LARGE1: variants seen among roughly 807,000 people sequenced by gnomAD.
LARGE1 encodes xylosyl- and glucuronyltransferase LARGE1.
In LARGE1, 43 loss-of-function variants were observed where a neutral mutation model predicts 87.6. The ratio of observed to expected loss-of-function variants is 0.49; its 90% CI spans 0.38 to 0.63. The LOEUF is 0.63. LARGE1 is among the 30% of genes least tolerant of loss of function. The pLI, the probability that LARGE1 is intolerant of heterozygous loss-of-function variation, is 0.00. For missense variants in LARGE1, 802 were observed against 1,000.2 expected, an observed-to-expected ratio of 0.80 and a Z score of 2.67; for synonymous variants, 434 against 394.6, an observed-to-expected ratio of 1.10 and a Z score of -1.18.
At chr22:33,651,389 C>CAAAAAAAAAA (rs59002897) in intron 2 of LARGE1, among the ~76,000 whole-genome samples, 14 of 54,310 alleles carry the variant, frequency 2.6e-4, no homozygotes, top group African/African-American at 7.3e-4. Flanking sequence ...GACTCCGTCT[C>CAAAAAAAAAA]AAAAAAAAAA....
chr22:33,274,758 A>G (rs1391043700), intron 14 of LARGE1, 134 bp from the exon 15 acceptor site: 1 of 793,832 alleles, frequency 1.3e-6, no homozygotes, highest in Non-Finnish European at 2.2e-6. Context: ...GGCAAAGGAC[A>G]GCACAACAGC....
intron 6 of LARGE1, among the ~76,000 whole-genome samples, chr22:33,508,811 T>A (rs2070894462): frequency 6.6e-6 from 1 of 152,276 alleles, no homozygotes; most frequent in African/African-American, 2.4e-5. Flanking sequence ...ACTGCGATGG[T>A]GTTTGCATGC....
At chr22:33,142,272 T>G in the LARGE1 span, among the ~76,000 whole-genome samples, 14,491 of 152,220 alleles carry the variant, frequency 0.095, 759 homozygotes, top group South Asian at 0.2. Context: ...GAAAGAAGCC[T>G]GTGCATGTGA....
In LARGE1 at chr22:33,394,435, T is replaced by C. The variant is rs1601688865; in HGVS notation, c.893-10131A>G. Reference sequence around the variant, plus strand: ...GGCTGGTCTCGAACTCCTGACCTCGTAATCCGCATGCCTCGGCCTCCCGAA... The same window carrying C: ...GGCTGGTCTCGAACTCCTGACCTCGCAATCCGCATGCCTCGGCCTCCCGAA... On this transcript the variant is annotated intron_variant, in intron 7 of 14. Transcript: ENST00000397394. Among the ~76,000 whole-genome samples, 3 of 152,264 alleles carry C rather than the reference T, an allele frequency of 2.0e-5. No homozygotes were observed. The East Asian group carries it at 5.8e-4, about 29-fold the overall frequency.
chr22:33,808,330 A>T (rs2086380067), intron 1 of LARGE1, among the ~76,000 whole-genome samples: 1 of 152,104 alleles, frequency 6.6e-6, no homozygotes, highest in African/African-American at 2.4e-5. Flanking sequence ...AAAGTCTTTG[A>T]TCCACTTTTT....
At chr22:33,077,298 C>G in the LARGE1 span, among the ~76,000 whole-genome samples, 7 of 152,014 alleles carry the variant, frequency 4.6e-5, no homozygotes, top group Admixed American at 2.0e-4. Flanking sequence ...TATTATTATT[C>G]CCATTATAAA....
chr22:33,842,190 C>T (rs9306283), intron 1 of LARGE1, among the ~76,000 whole-genome samples: 3,612 of 152,226 alleles, frequency 0.024, 146 homozygotes, highest in African/African-American at 0.081. Flanking sequence ...TGTCTCTACA[C>T]GGACGTAAAG....
chr22:33,266,251 C>T (rs1395756320), intron 11 of LARGE1, among the ~76,000 whole-genome samples: 10 of 101,762 alleles, frequency 9.8e-5, no homozygotes, highest in East Asian at 5.8e-4. Flanking sequence ...GATGGAGTTT[C>T]GCTCTTGTTG....
intron 5 of LARGE1, among the ~76,000 whole-genome samples, chr22:33,603,145 C>T (rs2079156683): frequency 6.6e-6 from 1 of 152,206 alleles, no homozygotes; most frequent in East Asian, 1.9e-4. Flanking sequence ...CTGAACATCT[C>T]CATCAACCTC....
At position 33,433,618 on chromosome 22, in the gene LARGE1, A is replaced by C. The variant is rs1017075369; in HGVS notation, c.788-1353T>G. ...CTCAAAAAACAAAACAAAAAAAAAAAAAAAAAAAAAAAGAAAGGGAAATTG... is the reference window on the plus strand; with the variant it reads ...CTCAAAAAACAAAACAAAAAAAAAACAAAAAAAAAAAAGAAAGGGAAATTG... On this transcript the variant is annotated intron_variant, in intron 6 of 14. Transcript: ENST00000397394. Among the ~76,000 whole-genome samples the C allele has an allele frequency of 5.9e-5, 9 of 151,434 alleles. 1 individual carries two copies. Among genetic ancestry groups the C allele is most frequent in the African/African-American group, 1.9e-4 (8 of 41,382 alleles).
chr22:33,713,661 A>C (rs2082810529), intron 2 of LARGE1, among the ~76,000 whole-genome samples: 1 of 151,996 alleles, frequency 6.6e-6, no homozygotes, highest in Non-Finnish European at 1.5e-5. Flanking sequence ...CAGCATTTTA[A>C]AATGAGTGCC....
chr22:33,151,848 T>C, the LARGE1 span, among the ~76,000 whole-genome samples: 6 of 152,284 alleles, frequency 3.9e-5, no homozygotes, highest in Admixed American at 2.0e-4. Context: ...GTATTATGGA[T>C]ATTTGCATCT....
chr22:33,601,517 A>G (rs2079112680), intron 5 of LARGE1, among the ~76,000 whole-genome samples: 1 of 152,296 alleles, frequency 6.6e-6, no homozygotes, highest in Middle Eastern at 3.4e-3. Context: ...CTAATAGATC[A>G]TGGAGTCAGA....
the LARGE1 span, among the ~76,000 whole-genome samples, chr22:33,156,434 T>A: frequency 6.6e-6 from 1 of 152,076 alleles, no homozygotes; most frequent in East Asian, 1.9e-4. Flanking sequence ...AGACATGGAG[T>A]CAAAGGAGAT....
intron 1 of LARGE1, among the ~76,000 whole-genome samples, chr22:33,774,115 A>G (rs1311715019): frequency 6.6e-6 from 1 of 152,184 alleles, no homozygotes; most frequent in African/African-American, 2.4e-5. Flanking sequence ...AAACTCCTCC[A>G]AACACATTAT....
chr22:33,714,824 G>A (rs975171367), intron 2 of LARGE1, among the ~76,000 whole-genome samples: 3 of 152,142 alleles, frequency 2.0e-5, no homozygotes. Context: ...GCCATCTCAG[G>A]TTATGGAAAG....
chr22:33,494,430 G>C (rs2070003725), intron 6 of LARGE1, among the ~76,000 whole-genome samples: 1 of 152,246 alleles, frequency 6.6e-6, no homozygotes, highest in Non-Finnish European at 1.5e-5. Context: ...ATTAATGTAT[G>C]TGGAAGTGCT....
At chr22:33,359,261 T>C (rs953324999) in intron 9 of LARGE1, among the ~76,000 whole-genome samples, 1 of 152,318 alleles carries the variant, frequency 6.6e-6, no homozygotes, top group Admixed American at 6.5e-5. Context: ...ATCAGACAGA[T>C]GTGAGTTGGA....
intron 6 of LARGE1, among the ~76,000 whole-genome samples, chr22:33,511,579 T>C (rs995321774): frequency 3.9e-5 from 6 of 152,160 alleles, no homozygotes; most frequent in African/African-American, 1.4e-4. Context: ...CCCCAGCAGC[T>C]GTGATGTTTG....
Sources: allele counts gnomAD v4.1 joint callset (sites outside exome capture counted in the v4.1 genomes callset), GRCh38; gene constraint gnomAD v4.1.1; transcripts MANE v1.5; gene names NCBI Gene and HGNC (gene_info 2026-07-23, HGNC 2026-07-21).